TMCC1: variants seen among roughly 807,000 people sequenced by gnomAD.
TMCC1 encodes transmembrane and coiled-coil domains protein 1.
Under a neutral mutation model 52.4 loss-of-function variants are expected in TMCC1, and 15 were observed. The ratio of observed to expected loss-of-function variants is 0.29; its 90% CI spans 0.19 to 0.44. TMCC1 has a LOEUF of 0.44. Ranked by LOEUF, TMCC1 falls within the 20% of genes least tolerant of loss-of-function variation. The pLI is 1.00. For synonymous variants in TMCC1, 279 were observed against 301.9 expected (o/e 0.92, Z 0.79); for missense variants, 503 against 806.0 (o/e 0.62, Z 4.55).
chr3:129,812,151 G>T (rs866913849), intron 4 of TMCC1, among the ~76,000 whole-genome samples: 4 of 151,762 alleles, frequency 2.6e-5, no homozygotes, highest in Admixed American at 6.6e-5. Context: ...AGATCAGCCT[G>T]GCCAACACAG....
intron 2 of TMCC1, among the ~76,000 whole-genome samples, chr3:129,873,677 A>G (rs1268040882): frequency 6.6e-6 from 1 of 152,186 alleles, no homozygotes; most frequent in African/African-American, 2.4e-5. Flanking sequence ...GAGTGCCACC[A>G]TGTCTCTAAA....
chr3:129,864,278 A>G (rs1040692186), intron 2 of TMCC1, among the ~76,000 whole-genome samples: 7 of 152,198 alleles, frequency 4.6e-5, no homozygotes, highest in Non-Finnish European at 1.0e-4. Context: ...ATCCTAAGAG[A>G]CTTGCCTAAG....
intron 4 of TMCC1, among the ~76,000 whole-genome samples, chr3:129,698,527 G>A (rs1316718729): frequency 6.6e-6 from 1 of 152,194 alleles, no homozygotes; most frequent in Non-Finnish European, 1.5e-5. Flanking sequence ...CATTTGGACT[G>A]ATTTTAACAT....
intron 4 of TMCC1, among the ~76,000 whole-genome samples, chr3:129,711,826 T>A (rs1367959185): frequency 1.3e-4 from 16 of 118,684 alleles, no homozygotes; most frequent in Admixed American, 2.7e-4. Flanking sequence ...CCGTCTCTAC[T>A]AAAAAAAAAA....
At chr3:129,653,080 T>G (rs1361729950) in intron 6 of TMCC1, among the ~76,000 whole-genome samples, 1 of 152,220 alleles carries the variant, frequency 6.6e-6, no homozygotes, top group Admixed American at 6.5e-5. Flanking sequence ...TGCTTTTTTT[T>G]TCATTCAACA....
At chr3:129,809,007 T>C (rs2057643036) in intron 4 of TMCC1, among the ~76,000 whole-genome samples, 1 of 150,502 alleles carries the variant, frequency 6.6e-6, no homozygotes, top group Non-Finnish European at 1.5e-5. Flanking sequence ...CTCACACCTG[T>C]AATCCCAGAT....
At chr3:129,825,899 G>A (rs756956740) in intron 4 of TMCC1, among the ~76,000 whole-genome samples, 10 of 152,150 alleles carry the variant, frequency 6.6e-5, no homozygotes, top group Non-Finnish European at 1.5e-4. Context: ...TAGTCAAGAT[G>A]TACACTTAAA....
At chr3:129,891,071 G>A (rs2061943828) in intron 1 of TMCC1, among the ~76,000 whole-genome samples, 1 of 152,230 alleles carries the variant, frequency 6.6e-6, no homozygotes, top group Non-Finnish European at 1.5e-5. Flanking sequence ...CAGCTCATCT[G>A]CACCTGCAGA....
intron 5 of TMCC1, among the ~76,000 whole-genome samples, chr3:129,670,115 A>G (rs2087794989): frequency 1.3e-5 from 2 of 152,222 alleles, no homozygotes; most frequent in South Asian, 4.1e-4. Flanking sequence ...ATACTTTAGA[A>G]AGCTTGGACT....
chr3:129,849,580 C>G (rs866552733), intron 2 of TMCC1, among the ~76,000 whole-genome samples: 3 of 151,650 alleles, frequency 2.0e-5, no homozygotes, highest in African/African-American at 7.3e-5. Flanking sequence ...CTGGCTAACA[C>G]AGTGAAACCC....
chr3:129,755,109 A>G (rs1164992334), intron 4 of TMCC1, among the ~76,000 whole-genome samples: 1 of 152,172 alleles, frequency 6.6e-6, no homozygotes, highest in African/African-American at 2.4e-5. Flanking sequence ...GGGTTTGGCA[A>G]TAAGGTTTTA....
chr3:129,679,892 C>T (rs1257631108), intron 4 of TMCC1, among the ~76,000 whole-genome samples: 1 of 151,646 alleles, frequency 6.6e-6, no homozygotes, highest in Non-Finnish European at 1.5e-5. Flanking sequence ...TGCTATGTTC[C>T]ACTCTTTCAT....
intron 4 of TMCC1, among the ~76,000 whole-genome samples, chr3:129,713,093 C>T (rs2048824274): frequency 6.6e-6 from 1 of 151,812 alleles, no homozygotes; most frequent in Non-Finnish European, 1.5e-5. Context: ...GAGACCCTGA[C>T]TCTACAAAAA....
chr3:129,837,617 C>T (rs1370846028), intron 2 of TMCC1, among the ~76,000 whole-genome samples: 1 of 152,090 alleles, frequency 6.6e-6, no homozygotes, highest in Non-Finnish European at 1.5e-5. Flanking sequence ...CAGCTTTAAA[C>T]AAAAATTATG....
At chr3:129,739,309 A>G (rs970512495) in intron 4 of TMCC1, among the ~76,000 whole-genome samples, 1 of 152,116 alleles carries the variant, frequency 6.6e-6, no homozygotes, top group African/African-American at 2.4e-5. Flanking sequence ...CTGGGATTAC[A>G]GGCATGCACC....
chr3:129,838,518 G>A (rs1577042030), intron 2 of TMCC1, among the ~76,000 whole-genome samples: 1 of 152,088 alleles, frequency 6.6e-6, no homozygotes, highest in East Asian at 1.9e-4. Flanking sequence ...ACTTTGGGAG[G>A]CCGAGACGGG....
chr3:129,793,239 A>G (rs1560431385), intron 4 of TMCC1, among the ~76,000 whole-genome samples: 1 of 152,108 alleles, frequency 6.6e-6, no homozygotes, highest in Admixed American at 6.6e-5. Context: ...TAATACTCCT[A>G]AAAATCCCGT....
chr3:129,768,785 T>A (rs1261001796), intron 4 of TMCC1, among the ~76,000 whole-genome samples: 1 of 152,248 alleles, frequency 6.6e-6, no homozygotes, highest in East Asian at 1.9e-4. Context: ...GATTATGTAA[T>A]CTTCAAGGTC....
At chr3:129,774,181 T>C (rs1479228159) in intron 4 of TMCC1, among the ~76,000 whole-genome samples, 1 of 152,210 alleles carries the variant, frequency 6.6e-6, no homozygotes, top group East Asian at 1.9e-4. Flanking sequence ...CCTTTGTTTC[T>C]TGGCTTTTGT....
Sources: gnomAD v4.1 joint callset for allele counts (sites outside exome capture counted in the v4.1 genomes callset) on GRCh38, gnomAD v4.1.1 for gene constraint, MANE v1.5 for transcripts, NCBI Gene and HGNC (gene_info 2026-07-23, HGNC 2026-07-21) for gene names.